The following SLC10A5 variants were observed in gnomAD, a reference collection of about 807,000 sequenced individuals.
The protein encoded by SLC10A5 is solute carrier family 10 member 5.
For missense variants in SLC10A5, 475 were observed against 500.7 expected, an observed-to-expected ratio of 0.95 and a Z score of 0.49; for synonymous variants, 181 against 183.7, an observed-to-expected ratio of 0.99 and a Z score of 0.12.
chr8:81,694,289 T>C lies in SLC10A5; in HGVS notation c.684A>G (p.Leu228=), dbSNP rs1563597476. 3.7e-6 allele frequency: 6 copies of C among 1,614,168 alleles called. No homozygotes were observed. The highest frequency in any genetic ancestry group is 3.4e-6 in the Non-Finnish European group (4 of 1,180,036). Residue 228 remains leucine, a synonymous_variant, in exon 1 of 1, where the codon CTA becomes CTG. Transcript: ENST00000518568. ...GGGGYLFALL[L]DGDFTLAILM... Reference sequence around the variant, plus strand: ...AAATGGCCAATGTGAAATCTCCATCTAGAAGCAGAGCAAAGAGATAGCCCC... The same window carrying C: ...AAATGGCCAATGTGAAATCTCCATCCAGAAGCAGAGCAAAGAGATAGCCCC...
At position 81,693,732 on chromosome 8, in the gene SLC10A5, A is replaced by T; in HGVS notation, c.1241T>A (p.Ile414Asn). ...TTTCTTAGCCTTGTAAACTAGAATG[A>T]TCAGTAACATTTCACATCCAGAACA... Reference protein sequence around the residue: ...AMCSGCEMLLIILVYKAKKRC... With the variant: ...AMCSGCEMLLNILVYKAKKRC... The change falls in exon 1 of 1, where the codon ATC becomes AAC. Residue 414 changes from isoleucine to asparagine, a missense_variant. Coordinates refer to ENST00000518568, the MANE Select transcript of SLC10A5 (RefSeq NM_001010893.3). 2 of 1,613,690 alleles carry T rather than the reference A, an allele frequency of 1.2e-6. No individual in the cohort carries two copies. Among genetic ancestry groups the T allele is most frequent in the Middle Eastern group, 1.7e-4 (1 of 6,060 alleles).
In SLC10A5 at chr8:81,694,975, T is replaced by G; in HGVS notation, c.-3A>C. On this transcript the variant is annotated 5_prime_UTR_variant, in exon 1 of 1. Transcript: ENST00000518568. ...ACAATAAAAAGTTTTCTAATCATTT[T>G]GAAAGCTGAAATAAATCATATATGC... 1.3e-6 allele frequency: 2 copies of G among 1,538,270 alleles called. No individual in the cohort carries two copies. Among genetic ancestry groups the G allele is most frequent in the Non-Finnish European group, 1.7e-6 (2 of 1,149,960 alleles).
At position 81,694,673 on chromosome 8, in the gene SLC10A5, CACATTTGT is replaced by C; in HGVS notation, c.292_299del (p.Thr98AspfsTer8). 1 of 1,613,940 alleles carries C rather than the reference CACATTTGT, an allele frequency of 6.2e-7. No homozygotes were observed. The highest frequency in any genetic ancestry group is 8.5e-7 in the Non-Finnish European group (1 of 1,180,028). ...CTTCAGAATCCCAGAGTTGAATAGT[CACATTTGT>C]TTCTCCTTCTTCATCAGTCACCAGA... On this transcript the variant is annotated frameshift_variant, in exon 1 of 1. Coordinates refer to ENST00000518568, the MANE Select transcript of SLC10A5 (RefSeq NM_001010893.3). LOFTEE classifies it low-confidence loss of function (END_TRUNC).
Position 81,694,728 on chromosome 8 carries a change from T to A in SLC10A5, c.245A>T (p.Asp82Val), listed in dbSNP as rs757090867. The A allele has an allele frequency of 1.9e-6, 3 of 1,614,118 alleles. No homozygotes were observed. The Admixed American group carries it at 5.0e-5, about 27-fold the overall frequency. ...CAGATTTATGGTAAAGTTTGTAGCA[T>A]CTGATGAGATCTTCTTGGCCACATT... ...MVNVAKKISS[D>V]ATNFTINLVT... is the part of the protein sequence containing the mutation. The change falls in exon 1 of 1, where the codon GAT (aspartate) becomes GTT (valine). Residue 82 changes from aspartate to valine, a missense_variant. Physicochemically the swap from Asp to Val is radical, Grantham distance 152 (BLOSUM62 -3). Coordinates refer to ENST00000518568, the MANE Select transcript of SLC10A5 (RefSeq NM_001010893.3).
In SLC10A5 at chr8:81,693,734, C is replaced by T. The variant is rs1327004231; in HGVS notation, c.1239G>A (p.Leu413=). 1 of 1,613,596 alleles carries T rather than the reference C, an allele frequency of 6.2e-7. No homozygotes were observed. The highest frequency in any genetic ancestry group is 1.7e-5 in the Admixed American group (1 of 59,896). Residue 413 remains leucine, a synonymous_variant, in exon 1 of 1, where the codon CTG becomes CTA. Transcript: ENST00000518568. ...VAMCSGCEML[L]IILVYKAKKR... Reference sequence around the variant, plus strand: ...TCTTAGCCTTGTAAACTAGAATGATCAGTAACATTTCACATCCAGAACACA... The same window carrying T: ...TCTTAGCCTTGTAAACTAGAATGATTAGTAACATTTCACATCCAGAACACA...
Position 81,694,367 on chromosome 8 carries a change from A to G in SLC10A5, c.606T>C (p.Pro202=), listed in dbSNP as rs2130365741. ...GFLLSQIVAL[P]EAQAFGVVMT... is the part of the protein sequence containing the mutation. The stretch of plus-strand genomic sequence containing the variant: ...TTACAACTCCAAAAGCTTGCGCCTC[A>G]GGCAATGCCACAATCTGAGACAAAA... The change falls in exon 1 of 1, where the codon CCT becomes CCC. Residue 202 remains proline (P), a synonymous_variant. Transcript: ENST00000518568. The G allele has an allele frequency of 8.1e-6, 13 of 1,613,574 alleles. No individual in the cohort carries two copies. Among genetic ancestry groups the G allele is most frequent in the Non-Finnish European group, 1.1e-5 (13 of 1,179,988 alleles).
rs138969745 is a variant in SLC10A5 at position 81,694,711 on chromosome 8, T to C, written c.262A>G (p.Ile88Val). 618 of 1,614,144 alleles carry C rather than the reference T, an allele frequency of 3.8e-4. 3 individuals carry two copies. The African/African-American group carries it at 6.2e-3, about 16-fold the overall frequency. Residue 88 changes from isoleucine to valine, a missense_variant, in exon 1 of 1, where the codon ATA becomes GTA. Ile to Val is a conservative substitution (Grantham distance 29). Coordinates refer to ENST00000518568, the MANE Select transcript of SLC10A5 (RefSeq NM_001010893.3). ...KISSDATNFT[I>V]NLVTDEEGET... ...CCTTCTTCATCAGTCACCAGATTTATGGTAAAGTTTGTAGCATCTGATGAG... is the reference window on the plus strand; with the variant it reads ...CCTTCTTCATCAGTCACCAGATTTACGGTAAAGTTTGTAGCATCTGATGAG...
rs1807707660 is a variant in SLC10A5, at chr8:81,694,996, T to TATGCAAA, written c.-31_-25dup. On this transcript the variant is annotated 5_prime_UTR_variant, in exon 1 of 1. The change abolishes the stop of an existing upstream ORF in the 5' untranslated region. Coordinates refer to ENST00000518568, the MANE Select transcript of SLC10A5 (RefSeq NM_001010893.3). ...ATTTTGAAAGCTGAAATAAATCATA[T>TATGCAAA]ATGCAAAATCGTTTTTAAAAAATGA... The TATGCAAA allele has an allele frequency of 6.7e-7, 1 of 1,502,618 alleles. No homozygotes were observed. The allele number at this position is 1,502,618 out of a possible 1,614,324, so 93.1% of individuals were successfully genotyped here. A position where few individuals can be genotyped will look rare whatever the true frequency, so the allele number is the denominator to read the frequency against.
chr8:81,694,672 T>C lies in SLC10A5; in HGVS notation c.301A>G (p.Thr101Ala), dbSNP rs746082784. ...CCTTCAGAATCCCAGAGTTGAATAG[T>C]CACATTTGTTTCTCCTTCTTCATCA... ...VTDEEGETNV[T>A]IQLWDSEGRQ... The change falls in exon 1 of 1, where the codon ACT becomes GCT. Residue 101 changes from threonine (T) to alanine (A), a missense_variant. Transcript: ENST00000518568. 58 of 1,613,912 alleles carry C rather than the reference T, an allele frequency of 3.6e-5. No individual in the cohort carries two copies. The highest frequency in any genetic ancestry group is 4.7e-5 in the Non-Finnish European group (56 of 1,180,028).
In SLC10A5 at chr8:81,694,151, A is replaced by C; in HGVS notation, c.822T>G (p.Ile274Met). 1 of 1,614,114 alleles carries C rather than the reference A, an allele frequency of 6.2e-7. No individual in the cohort carries two copies. The highest frequency in any genetic ancestry group is 8.5e-7 in the Non-Finnish European group (1 of 1,180,028). Residue 274 changes from isoleucine to methionine, a missense_variant, in exon 1 of 1, where the codon ATT (isoleucine) becomes ATG (methionine). Transcript: ENST00000518568. The part of the protein sequence containing the change: ...SGTFHIPVSK[I>M]VSTLLFILVP... Reference sequence around the variant, plus strand: ...CAAGTATGAAAAGGAGTGTTGACACAATTTTAGAAACAGGAATATGGAATG... The same window carrying C: ...CAAGTATGAAAAGGAGTGTTGACACCATTTTAGAAACAGGAATATGGAATG...
In SLC10A5 at chr8:81,694,221, G is replaced by A. The variant is rs1167463125; in HGVS notation, c.752C>T (p.Pro251Leu). ...CCTACTGTATATATAAGAATTGACA[G>A]GCATCATGATCAGAGCCAATAATGT... ...TSTLLALIMM[P>L]VNSYIYSRIL... The change falls in exon 1 of 1, where the codon CCT (proline) becomes CTT (leucine). Residue 251 changes from proline to leucine, a missense_variant. By Grantham distance (98) the Pro-to-Leu change is moderately conservative (BLOSUM62 -3). Coordinates refer to ENST00000518568, the MANE Select transcript of SLC10A5 (RefSeq NM_001010893.3). The A allele has an allele frequency of 6.8e-6, 11 of 1,614,022 alleles. No homozygotes were observed. The highest frequency in any genetic ancestry group is 1.1e-5 in the South Asian group (1 of 91,086).
In SLC10A5 at chr8:81,694,462, A is replaced by G. The variant is rs2130365916; in HGVS notation, c.511T>C (p.Trp171Arg). The G allele has an allele frequency of 6.2e-7, 1 of 1,614,248 alleles. No individual in the cohort carries two copies. The highest frequency in any genetic ancestry group is 1.3e-5 in the African/African-American group (1 of 75,068). ...KIELQLFQTV[W>R]KRPLPVILGA... Reference sequence around the variant, plus strand: ...AGAATTACTGGCAAAGGTCTCTTCCATACTGTTTGAAACAGCTGTAATTCA... The same window carrying G: ...AGAATTACTGGCAAAGGTCTCTTCCGTACTGTTTGAAACAGCTGTAATTCA... The change falls in exon 1 of 1, where the codon TGG becomes CGG. Residue 171 changes from tryptophan to arginine, a missense_variant. Trp to Arg is a moderately radical substitution (Grantham distance 101, BLOSUM62 -3). Coordinates refer to ENST00000518568, the MANE Select transcript of SLC10A5 (RefSeq NM_001010893.3).
rs1807707168 is a variant in SLC10A5, at chr8:81,694,964, T to C, written c.9A>G (p.Arg3=). The C allele has an allele frequency of 5.8e-6, 9 of 1,550,298 alleles. No individual in the cohort carries two copies. Among genetic ancestry groups the C allele is most frequent in the Non-Finnish European group, 7.8e-6 (9 of 1,157,080 alleles). Residue 3 remains arginine (R), a synonymous_variant, in exon 1 of 1, where the codon AGA becomes AGG. Transcript: ENST00000518568. ...ACAAAAGTAGAACAATAAAAAGTTT[T>C]CTAATCATTTTGAAAGCTGAAATAA... MI[R]KLFIVLLLLL... is the part of the protein sequence containing the mutation.
chr8:81,694,760 T>C lies in SLC10A5; in HGVS notation c.213A>G (p.Gln71=). The change falls in exon 1 of 1, where the codon CAA becomes CAG. Residue 71 remains glutamine, a synonymous_variant. Transcript: ENST00000518568. ...AGATCTTCTTGGCCACATTCACCAT[T>C]TGTAGTATTTTAGGATCTTCTATTT... ...FVKIEDPKIL[Q]MVNVAKKISS... 1 of 1,614,040 alleles carries C rather than the reference T, an allele frequency of 6.2e-7. No homozygotes were observed. Among genetic ancestry groups the C allele is most frequent in the Non-Finnish European group, 8.5e-7 (1 of 1,179,998 alleles).
chr8:81,694,630 T>A lies in SLC10A5; in HGVS notation c.343A>T (p.Ile115Phe). ...ACTTTCACATTCTTGATTTCTTCAA[T>A]GAGTCTTTCTTGCCTACCTTCAGAA... ...WDSEGRQERL[I>F]EEIKNVKVKV... Residue 115 changes from isoleucine (I) to phenylalanine (F), a missense_variant, in exon 1 of 1, where the codon ATT becomes TTT. Ile to Phe is a conservative substitution (Grantham distance 21). Transcript: ENST00000518568. 1 of 1,614,060 alleles carries A rather than the reference T, an allele frequency of 6.2e-7. No individual in the cohort carries two copies. The highest frequency in any genetic ancestry group is 1.1e-5 in the South Asian group (1 of 91,078).
Position 81,694,364 on chromosome 8 carries a change from C to T in SLC10A5, c.609G>A (p.Glu203=). ...FLLSQIVALP[E]AQAFGVVMTC... Reference sequence around the variant, plus strand: ...TCATTACAACTCCAAAAGCTTGCGCCTCAGGCAATGCCACAATCTGAGACA... The same window carrying T: ...TCATTACAACTCCAAAAGCTTGCGCTTCAGGCAATGCCACAATCTGAGACA... The change falls in exon 1 of 1, where the codon GAG becomes GAA. Residue 203 remains glutamate (E), a synonymous_variant. Transcript: ENST00000518568. The T allele has an allele frequency of 6.2e-7, 1 of 1,613,984 alleles. No homozygotes were observed. Among genetic ancestry groups the T allele is most frequent in the Non-Finnish European group, 8.5e-7 (1 of 1,179,996 alleles).
In SLC10A5 at chr8:81,694,208, A is replaced by T. The variant is rs777853682; in HGVS notation, c.765T>A (p.Tyr255Ter). 1.2e-6 allele frequency: 2 copies of T among 1,614,228 alleles called. No homozygotes were observed. Among genetic ancestry groups the T allele is most frequent in the Non-Finnish European group, 1.7e-6 (2 of 1,180,038 alleles). Residue 255 changes from tyrosine (Y) to a stop codon, truncating the protein, a stop_gained, in exon 1 of 1, where the codon TAT becomes TAA. Transcript: ENST00000518568. LOFTEE classifies it low-confidence loss of function (END_TRUNC). Reference sequence around the variant, plus strand: ...ACAACCCTAATATCCTACTGTATATATAAGAATTGACAGGCATCATGATCA... The same window carrying T: ...ACAACCCTAATATCCTACTGTATATTTAAGAATTGACAGGCATCATGATCA... ...LALIMMPVNS[Y>*]IYSRILGLSG... is the part of the protein sequence containing the mutation.
rs1358576563 is a variant in SLC10A5 at position 81,694,094 on chromosome 8, A to G, written c.879T>C (p.His293=). 6.2e-7 allele frequency: 1 copy of G among 1,614,032 alleles called. No homozygotes were observed. The highest frequency in any genetic ancestry group is 1.3e-5 in the African/African-American group (1 of 74,938). Residue 293 remains histidine, a synonymous_variant, in exon 1 of 1, where the codon CAT becomes CAC. Coordinates refer to ENST00000518568, the MANE Select transcript of SLC10A5 (RefSeq NM_001010893.3). ...AGAAGCTTGCTTTTTCAGGTATTCT[A>G]TGCTTGATGACTATTCCAATTGATA... is the stretch of plus-strand genomic sequence containing the variant. ...VPVSIGIVIK[H]RIPEKASFLE...
Position 81,694,233 on chromosome 8 carries a change from A to G in SLC10A5, c.740T>C (p.Leu247Pro), listed in dbSNP as rs149116678. ...LMTCTSTLLA[L>P]IMMPVNSYIY... The stretch of plus-strand genomic sequence containing the variant: ...ATAAGAATTGACAGGCATCATGATC[A>G]GAGCCAATAATGTTGATGTGCAAGT... Residue 247 changes from leucine (L) to proline (P), a missense_variant, in exon 1 of 1, where the codon CTG becomes CCG. Coordinates refer to ENST00000518568, the MANE Select transcript of SLC10A5 (RefSeq NM_001010893.3). 4.6e-4 allele frequency: 745 copies of G among 1,614,098 alleles called. 2 individuals carry two copies. The highest frequency in any genetic ancestry group is 5.7e-4 in the Non-Finnish European group (667 of 1,180,054).
Sources: gnomAD v4.1 joint callset for allele counts on GRCh38, gnomAD v4.1.1 for gene constraint, MANE v1.5 for transcripts, NCBI Gene and HGNC (gene_info 2026-07-23, HGNC 2026-07-21) for gene names.